AGBL4: variants seen among roughly 807,000 people sequenced by gnomAD.
The protein encoded by AGBL4 is cytosolic carboxypeptidase 6.
AGBL4 carries 58 observed loss-of-function variants against 66.4 expected under a neutral mutation model. The ratio of observed to expected loss-of-function variants is 0.87; its 90% CI spans 0.71 to 1.09. AGBL4 has a LOEUF of 1.09. AGBL4 is among the 50% of genes least tolerant of loss of function. The pLI is 0.00. For missense variants in AGBL4, 579 were observed against 631.0 expected, an observed-to-expected ratio of 0.92 and a Z score of 0.88; for synonymous variants, 234 against 222.9, an observed-to-expected ratio of 1.05 and a Z score of -0.44.
At chr1:49,937,821 T>C (rs1054011224) in intron 1 of AGBL4, among the ~76,000 whole-genome samples, 4 of 151,938 alleles carry the variant, frequency 2.6e-5, no homozygotes, top group Non-Finnish European at 5.9e-5. Context: ...TACCAGAATG[T>C]CTGGGACACA....
At chr1:48,955,264 G>T (rs954176327) in intron 5 of AGBL4, among the ~76,000 whole-genome samples, 1 of 152,166 alleles carries the variant, frequency 6.6e-6, no homozygotes, top group East Asian at 1.9e-4. Flanking sequence ...TTTAACCACA[G>T]TTATAATATT....
chr1:49,572,244 A>C (rs560006530), intron 3 of AGBL4, among the ~76,000 whole-genome samples: 1 of 152,136 alleles, frequency 6.6e-6, no homozygotes, highest in Admixed American at 6.5e-5. Flanking sequence ...ATTTACTCTC[A>C]CTACTCATTT....
At chr1:49,891,911 C>G (rs1306910277) in intron 1 of AGBL4, among the ~76,000 whole-genome samples, 1 of 152,142 alleles carries the variant, frequency 6.6e-6, no homozygotes, top group South Asian at 2.1e-4. Flanking sequence ...AAAGTTTAAG[C>G]CCCTGTCTTC....
chr1:48,738,121 C>T lies in AGBL4; in HGVS notation c.635-74880G>A, dbSNP rs372811966. ...CTTGGCTTGGGAAGGAAGGTGAATA[C>T]ACATAGTTAGGCAGTCAGGTCAGCC... is the stretch of plus-strand genomic sequence containing the variant. On this transcript the variant is annotated intron_variant, in intron 6 of 13. Coordinates refer to ENST00000371839, the MANE Select transcript of AGBL4 (RefSeq NM_032785.4). 5.5e-4 allele frequency among the ~76,000 whole-genome samples: 84 copies of T among 152,280 alleles called. 1 individual carries two copies. The East Asian group carries it at 6.6e-3, about 12-fold the overall frequency.
chr1:48,691,195 A>G (rs1445593981), intron 6 of AGBL4, among the ~76,000 whole-genome samples: 1 of 149,372 alleles, frequency 6.7e-6, no homozygotes, highest in East Asian at 1.9e-4. Flanking sequence ...GTGTGTATAT[A>G]TATATATTAC....
At chr1:49,808,365 A>G (rs1396905154) in intron 2 of AGBL4, among the ~76,000 whole-genome samples, 1 of 152,154 alleles carries the variant, frequency 6.6e-6, no homozygotes, top group Non-Finnish European at 1.5e-5. Context: ...AGACAGGAGG[A>G]GGCTCAATGT....
At chr1:49,102,849 T>C (rs1645228682) in intron 4 of AGBL4, among the ~76,000 whole-genome samples, 1 of 152,186 alleles carries the variant, frequency 6.6e-6, no homozygotes, top group Non-Finnish European at 1.5e-5. Flanking sequence ...CTGGTTCCAC[T>C]ATCACTTGTT....
rs138606062 is a variant in AGBL4, at chr1:49,650,641, T to A, written c.282+46672A>T. 1.4e-3 allele frequency among the ~76,000 whole-genome samples: 209 copies of A among 152,274 alleles called. 1 individual carries two copies. Among genetic ancestry groups the A allele is most frequent in the African/African-American group, 4.8e-3 (199 of 41,556 alleles). On this transcript the variant is annotated intron_variant, in intron 3 of 13. Transcript: ENST00000371839. ...GATCCCCTGCAAATATACCACAGAC[T>A]CTTCTCTGACTTTGGCAACTACAGG...
chr1:48,609,806 C>T (rs911742966), intron 9 of AGBL4, among the ~76,000 whole-genome samples: 2 of 152,178 alleles, frequency 1.3e-5, no homozygotes, highest in Admixed American at 1.3e-4. Context: ...GTCTGGCCAA[C>T]TCCTATTTAT....
At chr1:49,514,866 C>A (rs1649633549) in intron 3 of AGBL4, among the ~76,000 whole-genome samples, 1 of 152,178 alleles carries the variant, frequency 6.6e-6, no homozygotes, top group African/African-American at 2.4e-5. Flanking sequence ...CCCTTCCTTA[C>A]ACCTTATACA....
intron 11 of AGBL4, among the ~76,000 whole-genome samples, chr1:48,550,721 G>A (rs1235823511): frequency 1.3e-5 from 2 of 152,158 alleles, no homozygotes; most frequent in Non-Finnish European, 2.9e-5. Context: ...GGATGAAGGT[G>A]CTGGGTATCA....
chr1:49,461,135 T>C lies in AGBL4; in HGVS notation c.283-215271A>G, dbSNP rs12085180. 4.3e-3 allele frequency among the ~76,000 whole-genome samples: 657 copies of C among 151,842 alleles called. 7 individuals carry two copies. Among genetic ancestry groups the C allele is most frequent in the African/African-American group, 0.015 (616 of 41,502 alleles). ...GTTCTTTGAGGTTCTTGTATTTGGA[T>C]GTCTAGATCTCTAGCAAGGCTGGGG... On this transcript the variant is annotated intron_variant, in intron 3 of 13. Transcript: ENST00000371839.
chr1:49,063,350 TAA>T (rs1644435580), intron 4 of AGBL4, among the ~76,000 whole-genome samples: 1 of 152,134 alleles, frequency 6.6e-6, no homozygotes, highest in Non-Finnish European at 1.5e-5. Flanking sequence ...AATAAACAGG[TAA>T]ATAGAATTTG....
chr1:48,787,706 T>C (rs575552912), intron 6 of AGBL4, among the ~76,000 whole-genome samples: 1 of 152,314 alleles, frequency 6.6e-6, no homozygotes, highest in African/African-American at 2.4e-5. Flanking sequence ...CACACCTCTA[T>C]TATCAAGGAA....
intron 2 of AGBL4, among the ~76,000 whole-genome samples, chr1:49,830,436 A>G (rs1557489522): frequency 6.6e-6 from 1 of 152,126 alleles, no homozygotes; most frequent in Non-Finnish European, 1.5e-5. Flanking sequence ...GTCTCTTCAT[A>G]TCCTTCACTC....
intron 6 of AGBL4, among the ~76,000 whole-genome samples, chr1:48,695,396 C>T (rs899361985): frequency 6.6e-6 from 1 of 152,232 alleles, no homozygotes; most frequent in African/African-American, 2.4e-5. Context: ...CATTATTCCC[C>T]TCAATTTGAC....
At chr1:49,132,489 T>C (rs543330053) in intron 4 of AGBL4, among the ~76,000 whole-genome samples, 1 of 152,224 alleles carries the variant, frequency 6.6e-6, no homozygotes, top group Admixed American at 6.5e-5. Flanking sequence ...TTATATTGAT[T>C]ATAAATTACA....
At position 48,535,941 on chromosome 1, in the gene AGBL4, C is replaced by T. The variant is rs954241804; in HGVS notation, c.1365-1025G>A. On this transcript the variant is annotated intron_variant, in intron 12 of 13. Transcript: ENST00000371839. ...TTTAGAATTTAATCTATGCTAGGCC[C>T]TGCACCATGCACTAAGGATACAGAA... Among the ~76,000 whole-genome samples the T allele has an allele frequency of 3.2e-4, 49 of 152,074 alleles. 1 individual carries two copies.
intron 3 of AGBL4, among the ~76,000 whole-genome samples, chr1:49,393,889 T>C (rs1644902107): frequency 6.6e-6 from 1 of 152,182 alleles, no homozygotes; most frequent in Non-Finnish European, 1.5e-5. Context: ...ACAAAATTTG[T>C]TGAACACTTC....
Sources: allele counts gnomAD v4.1 joint callset (sites outside exome capture counted in the v4.1 genomes callset), GRCh38; gene constraint gnomAD v4.1.1; transcripts MANE v1.5; gene names NCBI Gene and HGNC (gene_info 2026-07-23, HGNC 2026-07-21).